Variants in ATP10D observed in about 807,000 individuals in gnomAD.
ATP10D encodes the protein phospholipid-transporting ATPase VD.
A neutral mutation model predicts 144.8 loss-of-function variants in ATP10D; 89 were observed. That is an observed-to-expected ratio of 0.61 (90% CI 0.52 to 0.73). ATP10D has a LOEUF of 0.73. Among genes scored for constraint, ATP10D ranks in the 30% least tolerant of loss-of-function variants. The pLI, the probability that ATP10D is intolerant of heterozygous loss-of-function variation, is 0.00. For synonymous variants in ATP10D, 571 were observed against 615.1 expected (o/e 0.93, Z 1.06); for missense variants, 1,603 against 1,714.8 (o/e 0.93, Z 1.15).
At chr4:47,561,808 A>G (rs1219729990) in intron 14 of ATP10D, among the ~76,000 whole-genome samples, 2 of 152,176 alleles carry the variant, frequency 1.3e-5, no homozygotes, top group Non-Finnish European at 2.9e-5. Context: ...AAAGCTCCCT[A>G]AAGTGATGCT....
intron 16 of ATP10D, among the ~76,000 whole-genome samples, chr4:47,569,456 C>G (rs939040159): frequency 6.6e-6 from 1 of 152,168 alleles, no homozygotes; most frequent in African/African-American, 2.4e-5. Context: ...ACTGAAAAAT[C>G]CATGTGTTCT....
intron 4 of ATP10D, 96 bp downstream of exon 4, chr4:47,523,312 C>T: frequency 1.0e-6 from 1 of 997,464 alleles, no homozygotes; most frequent in South Asian, 1.5e-5. Flanking sequence ...ATTTTTAATT[C>T]ATTTTCACCA....
At chr4:47,529,019 C>T (rs1218218596) in intron 5 of ATP10D, among the ~76,000 whole-genome samples, 1 of 151,908 alleles carries the variant, frequency 6.6e-6, no homozygotes, top group African/African-American at 2.4e-5. Context: ...TGTTTGAGTT[C>T]CTTGTAGATT....
chr4:47,533,626 A>C (rs2109421332), intron 5 of ATP10D, among the ~76,000 whole-genome samples: 1 of 152,360 alleles, frequency 6.6e-6, no homozygotes, highest in East Asian at 1.9e-4. Context: ...TTAAAAGGAC[A>C]GTTTCAAAAT....
At chr4:47,546,312 CA>C (rs1718426188) in intron 9 of ATP10D, among the ~76,000 whole-genome samples, 1 of 123,100 alleles carries the variant, frequency 8.1e-6, no homozygotes, top group Non-Finnish European at 1.7e-5. Flanking sequence ...ATTCAGATGA[CA>C]AGTGGAGAAT....
At chr4:47,534,672 C>T (rs985125577) in intron 5 of ATP10D, among the ~76,000 whole-genome samples, 3 of 152,104 alleles carry the variant, frequency 2.0e-5, no homozygotes, top group African/African-American at 7.2e-5. Flanking sequence ...TTGATTTCAT[C>T]CAAGTCGAAA....
intron 14 of ATP10D, among the ~76,000 whole-genome samples, chr4:47,562,459 A>T (rs1353995082): frequency 6.6e-6 from 1 of 152,194 alleles, no homozygotes; most frequent in Non-Finnish European, 1.5e-5. Flanking sequence ...ACTAGTTATC[A>T]GATGCAGACA....
In ATP10D at chr4:47,546,625, C is replaced by T. The variant is rs1218950885; in HGVS notation, c.1398C>T (p.Ala466=). 1 of 1,613,708 alleles carries T rather than the reference C, an allele frequency of 6.2e-7. No homozygotes were observed. The highest frequency in any genetic ancestry group is 8.5e-7 in the Non-Finnish European group (1 of 1,179,664). The change falls in exon 10 of 23, where the codon GCC becomes GCT. Residue 466 remains alanine (A), a splice_region_variant and synonymous_variant. Coordinates refer to ENST00000273859, the MANE Select transcript of ATP10D (RefSeq NM_020453.4). The stretch of plus-strand genomic sequence containing the variant: ...CTCAGTGTGCTTTTTATCCCACAGC[C>T]AGGAGGTTGGAGTCCTATCAGGAAG... ...AGFDYCHEEN[A]RRLESYQEAV...
intron 9 of ATP10D, among the ~76,000 whole-genome samples, chr4:47,539,116 T>C (rs1488620891): frequency 6.6e-6 from 1 of 152,164 alleles, no homozygotes; most frequent in African/African-American, 2.4e-5. Flanking sequence ...GCTTCCAGTG[T>C]CTCTTCTTAT....
chr4:47,546,585 CT>C, intron 9 of ATP10D, 38 bp from the exon 10 acceptor site: 1 of 1,569,878 alleles, frequency 6.4e-7, no homozygotes, highest in Non-Finnish European at 8.8e-7. Flanking sequence ...ACAAGTGGCT[CT>C]TCTCAGACAT....
intron 9 of ATP10D, among the ~76,000 whole-genome samples, chr4:47,537,825 G>A (rs1003002511): frequency 6.6e-5 from 10 of 152,094 alleles, no homozygotes; most frequent in South Asian, 6.2e-4. Flanking sequence ...TGTAGTTAAC[G>A]TCACTTATTC....
intron 9 of ATP10D, among the ~76,000 whole-genome samples, chr4:47,546,414 C>T (rs12498466): frequency 0.24 from 35,737 of 151,798 alleles, 4,197 homozygotes; most frequent in Admixed American, 0.3. Flanking sequence ...GTAGATTTGA[C>T]GATGGAAAAA....
chr4:47,585,288 C>T lies in ATP10D; in HGVS notation c.3754-1731C>T, dbSNP rs951995568. ...AAAAAAAACGCAATTATTTTTGCAC[C>T]AACCTCATACATTTAAAGTAGGCAT... On this transcript the variant is annotated intron_variant, in intron 21 of 22. Transcript: ENST00000273859. Among the ~76,000 whole-genome samples the T allele has an allele frequency of 1.3e-4, 20 of 151,666 alleles. 1 individual carries two copies. Among genetic ancestry groups the T allele is most frequent in the Admixed American group, 9.2e-4 (14 of 15,242 alleles).
At chr4:47,528,773 A>G (rs983962852) in intron 5 of ATP10D, among the ~76,000 whole-genome samples, 12 of 152,246 alleles carry the variant, frequency 7.9e-5, no homozygotes, top group Admixed American at 7.9e-4. Context: ...ATACACACCA[A>G]CAGTGTATAA....
At chr4:47,586,831 T>C (rs2271034) in intron 21 of ATP10D, among the ~76,000 whole-genome samples, 188 bp from the exon 22 acceptor site, 81,804 of 152,062 alleles carry the variant, frequency 0.54, 23,160 homozygotes, top group African/African-American at 0.71. Context: ...AGAATTCAAA[T>C]GGTGATGTAA....
At chr4:47,546,964 T>G in intron 10 of ATP10D, 102 bp downstream of exon 10, 4 of 1,122,636 alleles carry the variant, frequency 3.6e-6, no homozygotes, top group Non-Finnish European at 5.2e-6. Flanking sequence ...CTTTTCTACC[T>G]TAGAAGAGAC....
chr4:47,520,682 C>T (rs749263168), intron 3 of ATP10D, among the ~76,000 whole-genome samples: 2 of 152,124 alleles, frequency 1.3e-5, no homozygotes, highest in Non-Finnish European at 2.9e-5. Context: ...GATTCCCCTG[C>T]CTCAGCCTCC....
rs140880662 is a variant in ATP10D at position 47,513,493 on chromosome 4, G to A, written c.290+663G>A. Reference sequence around the variant, plus strand: ...AGCCTCAAAAAGAGAAATAATAATGGTAACTGGAGCAATAGAAGGGGAAGT... The same window carrying A: ...AGCCTCAAAAAGAGAAATAATAATGATAACTGGAGCAATAGAAGGGGAAGT... On this transcript the variant is annotated intron_variant, in intron 2 of 22. Coordinates refer to ENST00000273859, the MANE Select transcript of ATP10D (RefSeq NM_020453.4). 2.9e-3 allele frequency among the ~76,000 whole-genome samples: 442 copies of A among 152,316 alleles called. 1 individual carries two copies. Among genetic ancestry groups the A allele is most frequent in the African/African-American group, 1.0e-2 (415 of 41,572 alleles).
Position 47,556,191 on chromosome 4 carries a change from C to T in ATP10D, c.1824+1277C>T, listed in dbSNP as rs145806809. Among the ~76,000 whole-genome samples the T allele has an allele frequency of 1.1e-3, 160 of 152,356 alleles. 3 individuals carry two copies. Among genetic ancestry groups the T allele is most frequent in the African/African-American group, 3.8e-3 (158 of 41,580 alleles). On this transcript the variant is annotated intron_variant, in intron 11 of 22. Coordinates refer to ENST00000273859, the MANE Select transcript of ATP10D (RefSeq NM_020453.4). ...AGCCTCCTTGTGTGTAACTCTCTCA[C>T]CTTTTACTCACTTAAAATTCAATTT...
Sources: allele counts gnomAD v4.1 joint callset (sites outside exome capture counted in the v4.1 genomes callset), GRCh38; gene constraint gnomAD v4.1.1; transcripts MANE v1.5; gene names NCBI Gene and HGNC (gene_info 2026-07-23, HGNC 2026-07-21).